KLHDC10: variants seen among roughly 807,000 people sequenced by gnomAD.
KLHDC10 encodes kelch domain containing 10.
KLHDC10 carries 24 observed loss-of-function variants against 56.1 expected under a neutral mutation model. The observed-to-expected ratio is 0.43, with a 90% CI of 0.31 to 0.60. KLHDC10 has a LOEUF of 0.60. Among genes scored for constraint, KLHDC10 ranks in the 20% least tolerant of loss-of-function variants. The pLI, the probability that KLHDC10 is intolerant of heterozygous loss-of-function variation, is 0.11. For synonymous variants in KLHDC10, 188 were observed against 207.1 expected, an observed-to-expected ratio of 0.91 and a Z score of 0.79; for missense variants, 349 against 567.0, an observed-to-expected ratio of 0.62 and a Z score of 3.91.
chr7:130,070,698 G>A lies in KLHDC10; in HGVS notation c.55G>A (p.Gly19Ser), dbSNP rs1795393414. 2.3e-6 allele frequency: 3 copies of A among 1,299,316 alleles called. No individual in the cohort carries two copies. The highest frequency in any genetic ancestry group is 4.0e-5 in the Admixed American group (1 of 25,188). The allele number at this position is 1,299,316 out of a possible 1,614,324, so 80.5% of individuals were successfully genotyped here. Residue 19 changes from glycine to serine, a missense_variant, in exon 1 of 10, where the codon GGC becomes AGC. Coordinates refer to ENST00000335420, the MANE Select transcript of KLHDC10 (RefSeq NM_014997.4). ...RNRRRGGGAA[G>S]AGGGGSGAGG... ...CCGCCGGAGGGGAGGAGGCGCCGCC[G>A]GCGCTGGTGGCGGAGGTAGCGGGGC...
intron 1 of KLHDC10, among the ~76,000 whole-genome samples, chr7:130,076,942 T>C (rs1795512559): frequency 6.6e-6 from 1 of 152,202 alleles, no homozygotes; most frequent in Non-Finnish European, 1.5e-5. Flanking sequence ...CAAGTCCTGC[T>C]CCTCTGTCCT....
chr7:130,071,456 T>C (rs1441307491), intron 1 of KLHDC10, among the ~76,000 whole-genome samples: 2 of 152,248 alleles, frequency 1.3e-5, no homozygotes, highest in Non-Finnish European at 2.9e-5. Flanking sequence ...TTATGCTGTG[T>C]TTACAATATA....
chr7:130,125,922 G>GA lies in KLHDC10; in HGVS notation c.928dup (p.Ile310AsnfsTer18). 1.9e-6 allele frequency: 3 copies of GA among 1,589,104 alleles called. No individual in the cohort carries two copies. The highest frequency in any genetic ancestry group is 2.7e-5 in the African/African-American group (2 of 73,604). On this transcript the variant is annotated frameshift_variant, in exon 7 of 10. Coordinates refer to ENST00000335420, the MANE Select transcript of KLHDC10 (RefSeq NM_014997.4). LOFTEE classifies it high-confidence loss of function. ...GGAGGAAATTGCAACAAAACCCCATGAAAAAATAGGTAAATTTAAAGTATT... is the reference window on the plus strand; with the variant it reads ...GGAGGAAATTGCAACAAAACCCCATGAAAAAAATAGGTAAATTTAAAGTATT...
At chr7:130,123,421 G>A (rs1266473895) in intron 5 of KLHDC10, among the ~76,000 whole-genome samples, 3 of 150,634 alleles carry the variant, frequency 2.0e-5, no homozygotes, top group Non-Finnish European at 2.9e-5. Context: ...AGTGAGCTGA[G>A]ATCACGCCAT....
rs78696877 is a variant in KLHDC10 at position 130,122,164 on chromosome 7, G to T, written c.741G>T (p.Leu247=). The T allele has an allele frequency of 0.028, 44,962 of 1,613,806 alleles. 771 individuals are homozygous for T. Among genetic ancestry groups the T allele is most frequent in the Middle Eastern group, 0.066 (402 of 6,058 alleles). ...LDLNTREWTQ[L]KPNNLSCDLP... is the part of the protein sequence containing the mutation. ...TCAATACCAGAGAGTGGACACAACT[G>T]AAACCAAACAACCTATCCTGTGATC... The change falls in exon 5 of 10, where the codon CTG becomes CTT. Residue 247 remains leucine (L), a synonymous_variant. Coordinates refer to ENST00000335420, the MANE Select transcript of KLHDC10 (RefSeq NM_014997.4).
intron 3 of KLHDC10, among the ~76,000 whole-genome samples, chr7:130,119,821 G>A (rs553115043): frequency 3.9e-4 from 54 of 139,852 alleles, no homozygotes; most frequent in African/African-American, 1.4e-3. Context: ...TCCAGCCCGG[G>A]AGACAGAGCA....
chr7:130,079,482 G>A (rs1350919753), intron 1 of KLHDC10, among the ~76,000 whole-genome samples: 1 of 152,064 alleles, frequency 6.6e-6, no homozygotes. Context: ...CTATTATTGT[G>A]GTAGATTGTA....
In KLHDC10 at chr7:130,135,698, C is replaced by T. The variant is rs1202786523; in HGVS notation, c.*4952C>T. On this transcript the variant is annotated 3_prime_UTR_variant, in exon 10 of 10. Coordinates refer to ENST00000335420, the MANE Select transcript of KLHDC10 (RefSeq NM_014997.4). The stretch of plus-strand genomic sequence containing the variant: ...AACAATCTGATCAATAAATCTTATC[C>T]AAATCAATTTGGTTCAAGTTCACCT... 1.3e-5 allele frequency: 2 copies of T among 154,044 alleles called. No individual in the cohort carries two copies. Among genetic ancestry groups the T allele is most frequent in the African/African-American group, 2.4e-5 (1 of 41,478 alleles). The allele number at this position is 154,044 out of a possible 1,614,324, so 9.5% of individuals were successfully genotyped here. A position where few individuals can be genotyped will look rare whatever the true frequency, so the allele number is the denominator to read the frequency against.
At chr7:130,081,616 G>A (rs914474498) in intron 1 of KLHDC10, among the ~76,000 whole-genome samples, 1 of 152,246 alleles carries the variant, frequency 6.6e-6, no homozygotes, top group Non-Finnish European at 1.5e-5. Context: ...ACTGCACCCG[G>A]CATTTTGATA....
At chr7:130,086,093 C>T (rs1795686538) in intron 1 of KLHDC10, among the ~76,000 whole-genome samples, 1 of 151,816 alleles carries the variant, frequency 6.6e-6, no homozygotes, top group Non-Finnish European at 1.5e-5. Flanking sequence ...CTTTATTTTC[C>T]CCAAATTATT....
chr7:130,076,090 A>G (rs1022043660), intron 1 of KLHDC10, among the ~76,000 whole-genome samples: 6 of 152,118 alleles, frequency 3.9e-5, no homozygotes, highest in African/African-American at 1.4e-4. Context: ...AAACTGTTCC[A>G]CCTCAGGTCA....
intron 2 of KLHDC10, among the ~76,000 whole-genome samples, chr7:130,107,708 G>A (rs1305577303): frequency 2.0e-5 from 3 of 151,676 alleles, no homozygotes; most frequent in African/African-American, 7.3e-5. Flanking sequence ...GCCGGGCGTC[G>A]TGGTGCACGC....
At chr7:130,084,865 G>A (rs1378757627) in intron 1 of KLHDC10, among the ~76,000 whole-genome samples, 1 of 151,384 alleles carries the variant, frequency 6.6e-6, no homozygotes, top group Non-Finnish European at 1.5e-5. Context: ...TGAAGCAGCA[G>A]GATTGTAGGG....
chr7:130,126,146 T>C (rs1178196083), intron 7 of KLHDC10, among the ~76,000 whole-genome samples: 2 of 151,650 alleles, frequency 1.3e-5, no homozygotes, highest in African/African-American at 4.9e-5. Flanking sequence ...TGAGACCCTG[T>C]GTCTACAAAA....
At chr7:130,115,686 G>A (rs1180280680) in intron 2 of KLHDC10, among the ~76,000 whole-genome samples, 3 of 131,530 alleles carry the variant, frequency 2.3e-5, no homozygotes, top group African/African-American at 8.8e-5. Context: ...CTGCACTCCA[G>A]CCTGGGTGAC....
chr7:130,128,627 A>G (rs564176006), intron 8 of KLHDC10, among the ~76,000 whole-genome samples: 7 of 152,086 alleles, frequency 4.6e-5, no homozygotes, highest in Non-Finnish European at 1.0e-4. Context: ...AAATGTCTAC[A>G]TAGAGACTTT....
At chr7:130,078,080 T>A (rs1166045048) in intron 1 of KLHDC10, among the ~76,000 whole-genome samples, 8 of 152,018 alleles carry the variant, frequency 5.3e-5, no homozygotes, top group East Asian at 3.9e-4. Context: ...TCTTTTTTTT[T>A]AAATAGGCCT....
intron 1 of KLHDC10, among the ~76,000 whole-genome samples, chr7:130,072,978 A>G (rs1795439340): frequency 6.6e-6 from 1 of 151,346 alleles, no homozygotes; most frequent in African/African-American, 2.4e-5. Context: ...CTGGTCTTGA[A>G]CTCCTGACCT....
At position 130,070,772 on chromosome 7, in the gene KLHDC10, C is replaced by T; in HGVS notation, c.129C>T (p.Asn43=). Residue 43 remains asparagine (N), a synonymous_variant, in exon 1 of 10, where the codon AAC becomes AAT. Coordinates refer to ENST00000335420, the MANE Select transcript of KLHDC10 (RefSeq NM_014997.4). Reference sequence around the variant, plus strand: ...GGGGTCGGGGGACTGGCCAGCTCAACCGCTTCGTGCAACTCTCCGGGCGGC... The same window carrying T: ...GGGGTCGGGGGACTGGCCAGCTCAATCGCTTCGTGCAACTCTCCGGGCGGC... ...GSGGRGTGQL[N]RFVQLSGRPH... is the part of the protein sequence containing the mutation. 7.6e-7 allele frequency: 1 copy of T among 1,308,066 alleles called. No individual in the cohort carries two copies. The allele number at this position is 1,308,066 out of a possible 1,614,324, so 81.0% of individuals were successfully genotyped here.
Sources: gnomAD v4.1 joint callset for allele counts (sites outside exome capture counted in the v4.1 genomes callset) on GRCh38, gnomAD v4.1.1 for gene constraint, MANE v1.5 for transcripts, NCBI Gene and HGNC (gene_info 2026-07-23, HGNC 2026-07-21) for gene names.